B3GALT1: variants seen among roughly 807,000 people sequenced by gnomAD.
The protein encoded by B3GALT1 is beta-1,3-galactosyltransferase 1.
A neutral mutation model predicts 23.2 loss-of-function variants in B3GALT1; 10 were observed. The ratio of observed to expected loss-of-function variants is 0.43; its 90% CI spans 0.27 to 0.73. B3GALT1 has a LOEUF of 0.73. Among genes scored for constraint, B3GALT1 ranks in the 30% least tolerant of loss-of-function variants. B3GALT1 has a pLI of 0.21. For missense variants in B3GALT1, 299 were observed against 405.4 expected (o/e 0.74, Z 2.25); for synonymous variants, 156 against 141.5 (o/e 1.10, Z -0.73).
chr2:167,531,205 G>C (rs937369264), intron 2 of B3GALT1, among the ~76,000 whole-genome samples: 1 of 152,126 alleles, frequency 6.6e-6, no homozygotes, highest in Non-Finnish European at 1.5e-5. Flanking sequence ...TCAGTGACAT[G>C]TGATGCTTTT....
intron 3 of B3GALT1, among the ~76,000 whole-genome samples, chr2:167,731,428 G>A (rs1013090459): frequency 2.0e-5 from 3 of 152,150 alleles, no homozygotes; most frequent in African/African-American, 7.2e-5. Flanking sequence ...AGGATCATCA[G>A]CGCCCAAAGC....
intron 2 of B3GALT1, among the ~76,000 whole-genome samples, chr2:167,504,410 T>C (rs1174658659): frequency 6.6e-6 from 1 of 152,196 alleles, no homozygotes; most frequent in Non-Finnish European, 1.5e-5. Flanking sequence ...GTTTTCAGGA[T>C]CTCAAAATAA....
chr2:167,473,195 G>A (rs1404727890), intron 1 of B3GALT1, among the ~76,000 whole-genome samples: 1 of 152,080 alleles, frequency 6.6e-6, no homozygotes, highest in African/African-American at 2.4e-5. Context: ...CTTTCTAAAA[G>A]TGAGCATGTC....
intron 1 of B3GALT1, among the ~76,000 whole-genome samples, chr2:167,463,236 G>A (rs1438788248): frequency 1.3e-5 from 2 of 151,614 alleles, no homozygotes; most frequent in Non-Finnish European, 2.9e-5. Flanking sequence ...GATCTATAAG[G>A]GCAGAATCTT....
At chr2:167,574,492 A>G (rs1253832102) in intron 2 of B3GALT1, among the ~76,000 whole-genome samples, 12 of 151,708 alleles carry the variant, frequency 7.9e-5, no homozygotes, top group Non-Finnish European at 8.9e-5. Context: ...TCAATTGATG[A>G]TGTGGTAATT....
At chr2:167,820,867 A>T (rs933680583) in intron 4 of B3GALT1, among the ~76,000 whole-genome samples, 2 of 152,196 alleles carry the variant, frequency 1.3e-5, no homozygotes, top group African/African-American at 4.8e-5. Flanking sequence ...TGCCTGCCTC[A>T]GGCTGTTCTG....
chr2:167,574,835 G>A (rs761846259), intron 2 of B3GALT1, among the ~76,000 whole-genome samples: 1 of 151,672 alleles, frequency 6.6e-6, no homozygotes, highest in African/African-American at 2.4e-5. Flanking sequence ...CACAAATGCT[G>A]CTTGAGATAG....
At chr2:167,667,526 G>GATA (rs1558942721) in intron 3 of B3GALT1, among the ~76,000 whole-genome samples, 1 of 152,124 alleles carries the variant, frequency 6.6e-6, no homozygotes, top group East Asian at 1.9e-4. Context: ...AGTTCTCCTG[G>GATA]ATAATATCCT....
rs11885713 is a variant in B3GALT1 at position 167,497,721 on chromosome 2, A to G, written c.-410+7444A>G. Among the ~76,000 whole-genome samples, 645 of 152,156 alleles carry G rather than the reference A, an allele frequency of 4.2e-3. 7 individuals carry two copies. The highest frequency in any genetic ancestry group is 0.015 in the African/African-American group (602 of 41,502). Reference sequence around the variant, plus strand: ...GCTAAGAAAAGGAGACTCTGAGGTGACAAATGCAACAAAAAGATTAGGAAG... The same window carrying G: ...GCTAAGAAAAGGAGACTCTGAGGTGGCAAATGCAACAAAAAGATTAGGAAG... On this transcript the variant is annotated intron_variant, in intron 2 of 4. Transcript: ENST00000392690.
At chr2:167,676,477 A>G (rs1686427317) in intron 3 of B3GALT1, among the ~76,000 whole-genome samples, 2 of 149,850 alleles carry the variant, frequency 1.3e-5, no homozygotes, top group African/African-American at 5.0e-5. Flanking sequence ...CCTTATATAT[A>G]TATACACACA....
intron 4 of B3GALT1, among the ~76,000 whole-genome samples, chr2:167,820,723 C>CTAT (rs1272557879): frequency 2.6e-5 from 4 of 152,202 alleles, no homozygotes; most frequent in African/African-American, 9.7e-5. Context: ...ACTATCCTGA[C>CTAT]TATTATTATT....
intron 3 of B3GALT1, among the ~76,000 whole-genome samples, chr2:167,782,016 T>C (rs966394711): frequency 3.9e-5 from 6 of 152,196 alleles, no homozygotes; most frequent in Non-Finnish European, 8.8e-5. Context: ...GTGCTAGGAT[T>C]ACAGGTGTGA....
chr2:167,404,211 T>G (rs1698239279), intron 1 of B3GALT1, among the ~76,000 whole-genome samples: 1 of 151,970 alleles, frequency 6.6e-6, no homozygotes, highest in Non-Finnish European at 1.5e-5. Context: ...TTCAACAGGT[T>G]CCATGGGAAC....
At chr2:167,379,733 A>C (rs1358962324) in intron 1 of B3GALT1, among the ~76,000 whole-genome samples, 1 of 152,226 alleles carries the variant, frequency 6.6e-6, no homozygotes, top group Non-Finnish European at 1.5e-5. Flanking sequence ...GGAGGCCACA[A>C]AGGGCAGGGC....
At chr2:167,525,038 T>A (rs1683197683) in intron 2 of B3GALT1, among the ~76,000 whole-genome samples, 1 of 152,216 alleles carries the variant, frequency 6.6e-6, no homozygotes, top group South Asian at 2.1e-4. Context: ...TTCCCATATA[T>A]GCAAGAGCAT....
At chr2:167,862,906 A>C (rs1559006717) in intron 4 of B3GALT1, 5 of 152,214 alleles carry the variant, frequency 3.3e-5, no homozygotes, top group African/African-American at 9.6e-5. Flanking sequence ...GTAATCTGAA[A>C]TACAGTAAGG....
At chr2:167,831,315 C>T (rs1689347306) in intron 4 of B3GALT1, among the ~76,000 whole-genome samples, 1 of 152,194 alleles carries the variant, frequency 6.6e-6, no homozygotes, top group African/African-American at 2.4e-5. Context: ...GGTGCATCTG[C>T]TGTGACATCT....
chr2:167,319,379 T>C (rs1014783522), intron 1 of B3GALT1, among the ~76,000 whole-genome samples: 3 of 152,152 alleles, frequency 2.0e-5, no homozygotes, highest in Admixed American at 1.3e-4. Flanking sequence ...CATCGGGTAT[T>C]ATCCTTTACT....
intron 2 of B3GALT1, among the ~76,000 whole-genome samples, chr2:167,516,949 T>C (rs573441940): frequency 1.1e-5 from 1 of 94,494 alleles, no homozygotes; most frequent in Non-Finnish European, 1.8e-5. Context: ...CTTCTGTGTG[T>C]GTATATATAT....
Sources: allele counts gnomAD v4.1 joint callset (sites outside exome capture counted in the v4.1 genomes callset), GRCh38; gene constraint gnomAD v4.1.1; transcripts MANE v1.5; gene names NCBI Gene and HGNC (gene_info 2026-07-23, HGNC 2026-07-21).